CAPZA2: variants seen among roughly 807,000 people sequenced by gnomAD.
CAPZA2 encodes the protein F-actin-capping protein subunit alpha-2.
A neutral mutation model predicts 44.0 loss-of-function variants in CAPZA2; 13 were observed. That is an observed-to-expected ratio of 0.30 (90% CI 0.19 to 0.47). The LOEUF is 0.47. CAPZA2 is among the 20% of genes least tolerant of loss of function. The pLI, the probability that CAPZA2 is intolerant of heterozygous loss-of-function variation, is 1.00. For missense variants in CAPZA2, 244 were observed against 338.6 expected, an observed-to-expected ratio of 0.72 and a Z score of 2.19; for synonymous variants, 94 against 108.2, an observed-to-expected ratio of 0.87 and a Z score of 0.81.
At chr7:116,892,819 CTTTTT>C in intron 2 of CAPZA2, among the ~76,000 whole-genome samples, 170 bp from the exon 3 acceptor site, 1 of 139,828 alleles carries the variant, frequency 7.2e-6, no homozygotes, top group Non-Finnish European at 1.6e-5. Context: ...TAACCAAAAC[CTTTTT>C]TTTTTTTTTA....
chr7:116,915,825 G>T, intron 8 of CAPZA2: 1 of 278,804 alleles, frequency 3.6e-6, no homozygotes, highest in East Asian at 9.3e-5. Flanking sequence ...GTATCATTGA[G>T]ATTTCACTTT....
chr7:116,904,314 A>G lies in CAPZA2; in HGVS notation c.357A>G (p.Ser119=), dbSNP rs1387766420. The change falls in exon 5 of 10, where the codon TCA becomes TCG. Residue 119 remains serine, a synonymous_variant. Coordinates refer to ENST00000361183, the MANE Select transcript of CAPZA2 (RefSeq NM_006136.3). ...RPCEVENAVE[S]WRTSVETALR... ...GTGAAGTAGAAAATGCAGTTGAATC[A>G]TGGAGAACTTCAGTAGAAACTGCTC... 1 of 1,613,776 alleles carries G rather than the reference A, an allele frequency of 6.2e-7. No individual in the cohort carries two copies. Among genetic ancestry groups the G allele is most frequent in the Admixed American group, 1.7e-5 (1 of 60,034 alleles).
intron 4 of CAPZA2, among the ~76,000 whole-genome samples, chr7:116,901,121 C>T (rs796552008): frequency 6.6e-6 from 1 of 152,096 alleles, no homozygotes; most frequent in South Asian, 2.1e-4. Flanking sequence ...GATCTAAAAA[C>T]GGAATTACCA....
At chr7:116,897,128 TA>T (rs1796938198) in intron 3 of CAPZA2, among the ~76,000 whole-genome samples, 1 of 152,106 alleles carries the variant, frequency 6.6e-6, no homozygotes, top group Non-Finnish European at 1.5e-5. Context: ...TTACGGGCAA[TA>T]AAAGGCTTTC....
At chr7:116,901,244 C>T (rs141854074) in intron 4 of CAPZA2, among the ~76,000 whole-genome samples, 288 of 152,094 alleles carry the variant, frequency 1.9e-3, no homozygotes, top group African/African-American at 5.8e-3. Context: ...ATAGCAAAGA[C>T]GTGGAATCAA....
intron 1 of CAPZA2, among the ~76,000 whole-genome samples, chr7:116,880,782 C>T (rs932277911): frequency 4.1e-5 from 5 of 122,274 alleles, no homozygotes; most frequent in African/African-American, 9.2e-5. Context: ...TGGTGTGATA[C>T]GGCTCACTGC....
intron 8 of CAPZA2, among the ~76,000 whole-genome samples, chr7:116,914,430 C>T (rs1267981008): frequency 1.8e-5 from 2 of 108,704 alleles, no homozygotes; most frequent in African/African-American, 6.2e-5. Flanking sequence ...CATATACATA[C>T]ATACACACAC....
intron 1 of CAPZA2, among the ~76,000 whole-genome samples, chr7:116,884,725 T>C (rs1442705951): frequency 6.6e-6 from 1 of 152,204 alleles, no homozygotes; most frequent in Non-Finnish European, 1.5e-5. Context: ...TGTATAAGTT[T>C]TTATATGAAA....
intron 4 of CAPZA2, among the ~76,000 whole-genome samples, chr7:116,901,421 C>A (rs745369674): frequency 1.3e-4 from 20 of 152,092 alleles, no homozygotes; most frequent in Non-Finnish European, 2.6e-4. Flanking sequence ...AGCAGAAAAT[C>A]AAATATCACA....
At chr7:116,874,590 A>G (rs1796597605) in intron 1 of CAPZA2, 1 of 152,242 alleles carries the variant, frequency 6.6e-6, no homozygotes, top group South Asian at 2.1e-4. Context: ...GCATCAGCAG[A>G]AGGTGTTTTT....
chr7:116,897,053 C>G (rs772491390), intron 3 of CAPZA2, among the ~76,000 whole-genome samples: 2 of 152,074 alleles, frequency 1.3e-5, no homozygotes, highest in Admixed American at 6.6e-5. Flanking sequence ...TACTTGTCTC[C>G]TTTTCAGATT....
At chr7:116,910,392 G>A in intron 7 of CAPZA2, 81 bp downstream of exon 7, 1 of 737,358 alleles carries the variant, frequency 1.4e-6, no homozygotes, top group East Asian at 2.6e-5. Flanking sequence ...CATTTTCATA[G>A]TATATCATAC....
rs1234229349 is a variant in CAPZA2, at chr7:116,904,333, A to G, written c.376A>G (p.Thr126Ala). ...AVESWRTSVE[T>A]ALRAYVKEHY... ...TGAATCATGGAGAACTTCAGTAGAAACTGCTCTGAGAGCTTACGTAAAAGA... is the reference window on the plus strand; with the variant it reads ...TGAATCATGGAGAACTTCAGTAGAAGCTGCTCTGAGAGCTTACGTAAAAGA... The change falls in exon 5 of 10, where the codon ACT (threonine) becomes GCT (alanine). Residue 126 changes from threonine (T) to alanine (A), a missense_variant. Thr to Ala is a moderately conservative substitution (Grantham distance 58). Coordinates refer to ENST00000361183, the MANE Select transcript of CAPZA2 (RefSeq NM_006136.3). The G allele has an allele frequency of 6.8e-6, 11 of 1,613,834 alleles. No homozygotes were observed. Among genetic ancestry groups the G allele is most frequent in the Non-Finnish European group, 8.5e-6 (10 of 1,179,790 alleles).
intron 4 of CAPZA2, among the ~76,000 whole-genome samples, chr7:116,902,771 C>G (rs543342219): frequency 4.6e-5 from 7 of 152,328 alleles, no homozygotes; most frequent in African/African-American, 1.2e-4. Context: ...GGGTCCTGCT[C>G]TGTCACCCAG....
At position 116,890,767 on chromosome 7, in the gene CAPZA2, G is replaced by A. The variant is rs1471764267; in HGVS notation, c.104-2227G>A. On this transcript the variant is annotated intron_variant, in intron 2 of 9. Transcript: ENST00000361183. ...CACTCCAGCCTGGGTGACAGAGTGA[G>A]ACTCTGTCTCAAAAAAAAAAAAAAA... Among the ~76,000 whole-genome samples the A allele has an allele frequency of 1.2e-4, 7 of 59,244 alleles. No homozygotes were observed. In the South Asian group the frequency reaches 6.1e-3, roughly 52 times the overall value. The allele number at this position is 59,244 out of a possible 152,430, so 38.9% of individuals were successfully genotyped here.
chr7:116,866,607 T>C (rs1796487788), intron 1 of CAPZA2, among the ~76,000 whole-genome samples: 1 of 152,206 alleles, frequency 6.6e-6, no homozygotes, highest in Non-Finnish European at 1.5e-5. Context: ...AAGGCTCAAT[T>C]GAAAAGACCC....
In CAPZA2 at chr7:116,881,611, T is replaced by C. The variant is rs567923714; in HGVS notation, c.40-6516T>C. 7.6e-3 allele frequency among the ~76,000 whole-genome samples: 1,155 copies of C among 151,460 alleles called. 27 individuals are homozygous for C. The highest frequency in any genetic ancestry group is 0.044 in the Admixed American group (662 of 15,198). ...AAAATTAGCCGGGCGTGGTGGTGGG[T>C]GCCTGTAGTCCCAGCTACTTGGGAG... On this transcript the variant is annotated intron_variant, in intron 1 of 9. Coordinates refer to ENST00000361183, the MANE Select transcript of CAPZA2 (RefSeq NM_006136.3).
Position 116,888,110 on chromosome 7 carries a change from CTT to C in CAPZA2, c.40-15_40-14del. 1.3e-6 allele frequency: 2 copies of C among 1,585,522 alleles called. No individual in the cohort carries two copies. The highest frequency in any genetic ancestry group is 1.7e-6 in the Non-Finnish European group (2 of 1,158,300). On this transcript the variant is annotated splice_polypyrimidine_tract_variant and intron_variant, in intron 1 of 9. Transcript: ENST00000361183. ...AGCCTGTGATATGGAACATTTATAT[CTT>C]TCTTTCTGTTTCAGGTGCGTATAGC...
chr7:116,896,810 A>G (rs1353753553), intron 3 of CAPZA2, among the ~76,000 whole-genome samples: 2 of 152,072 alleles, frequency 1.3e-5, no homozygotes, highest in African/African-American at 4.8e-5. Context: ...AGGAATGATG[A>G]GTGGGTGCAT....
Sources: gnomAD v4.1 joint callset for allele counts (sites outside exome capture counted in the v4.1 genomes callset) on GRCh38, gnomAD v4.1.1 for gene constraint, MANE v1.5 for transcripts, NCBI Gene and HGNC (gene_info 2026-07-23, HGNC 2026-07-21) for gene names.